The following SCHIP1 variants were observed in gnomAD, a reference collection of about 807,000 sequenced individuals.
SCHIP1 encodes the protein schwannomin-interacting protein 1.
Under a neutral mutation model 29.7 loss-of-function variants are expected in SCHIP1, and 8 were observed. The ratio of observed to expected loss-of-function variants is 0.27; its 90% CI spans 0.16 to 0.49. The LOEUF (loss-of-function observed/expected upper bound fraction) is 0.49, where lower values mean the gene tolerates loss of function less well. SCHIP1 is among the 20% of genes least tolerant of loss of function. The pLI, the probability that SCHIP1 is intolerant of heterozygous loss-of-function variation, is 0.99. For missense variants in SCHIP1, 193 were observed against 294.6 expected, an observed-to-expected ratio of 0.66 and a Z score of 2.52; for synonymous variants, 76 against 94.9, an observed-to-expected ratio of 0.80 and a Z score of 1.16.
chr3:159,458,528 A>G, the SCHIP1 span, among the ~76,000 whole-genome samples: 3 of 151,568 alleles, frequency 2.0e-5, no homozygotes, highest in East Asian at 5.8e-4. Flanking sequence ...AAAGTTACAC[A>G]GTTAGTTCAG....
At chr3:159,576,791 G>A in the SCHIP1 span, among the ~76,000 whole-genome samples, 1 of 152,056 alleles carries the variant, frequency 6.6e-6, no homozygotes, top group Non-Finnish European at 1.5e-5. Flanking sequence ...CCTTCTGCAT[G>A]CATCTGTTGA....
chr3:159,339,373 C>T, the SCHIP1 span, among the ~76,000 whole-genome samples: 1 of 152,064 alleles, frequency 6.6e-6, no homozygotes, highest in Non-Finnish European at 1.5e-5. Context: ...TTCACATCAG[C>T]AAGCACTGCT....
the SCHIP1 span, among the ~76,000 whole-genome samples, chr3:159,563,929 T>G: frequency 6.6e-6 from 1 of 152,230 alleles, no homozygotes; most frequent in Non-Finnish European, 1.5e-5. Context: ...CTTCTCTTTA[T>G]GTATCTTCAA....
chr3:159,525,662 G>C, the SCHIP1 span, among the ~76,000 whole-genome samples: 35 of 152,274 alleles, frequency 2.3e-4, 1 homozygote, highest in Middle Eastern at 0.01. Flanking sequence ...GGAGAGAAAG[G>C]CTGCATCATT....
the SCHIP1 span, among the ~76,000 whole-genome samples, chr3:159,697,859 G>A: frequency 6.6e-6 from 1 of 152,210 alleles, no homozygotes; most frequent in Non-Finnish European, 1.5e-5. Context: ...TACCAAAGCA[G>A]ATTGCAAGTG....
the SCHIP1 span, among the ~76,000 whole-genome samples, chr3:159,556,847 G>T: frequency 1.3e-5 from 2 of 150,518 alleles, no homozygotes; most frequent in African/African-American, 4.9e-5. Flanking sequence ...CAGCACACCA[G>T]CATGGCACAT....
intron 4 of SCHIP1, chr3:159,888,199 A>G (rs2109456341): frequency 2.4e-6 from 1 of 414,746 alleles, no homozygotes; most frequent in Non-Finnish European, 4.4e-6. Flanking sequence ...AGCGATCTCA[A>G]TCTAAGAACC....
the SCHIP1 span, among the ~76,000 whole-genome samples, chr3:159,610,548 C>T: frequency 2.8e-4 from 43 of 152,236 alleles, no homozygotes; most frequent in Admixed American, 1.2e-3. Context: ...CAAAGACTTC[C>T]TACCTCCCTC....
At chr3:159,617,858 T>A in the SCHIP1 span, among the ~76,000 whole-genome samples, 1 of 152,272 alleles carries the variant, frequency 6.6e-6, no homozygotes, top group South Asian at 2.1e-4. Flanking sequence ...TCAATGAACA[T>A]TTAGCGGGCA....
chr3:159,350,511 AGAT>A, the SCHIP1 span, among the ~76,000 whole-genome samples: 1 of 152,142 alleles, frequency 6.6e-6, no homozygotes, highest in Non-Finnish European at 1.5e-5. Context: ...TTTTAATTAG[AGAT>A]GATGATGATA....
chr3:159,714,672 T>C, the SCHIP1 span, among the ~76,000 whole-genome samples: 24 of 152,306 alleles, frequency 1.6e-4, no homozygotes, highest in Admixed American at 1.1e-3. Flanking sequence ...GAGACCAAAC[T>C]GCAAGGCGGC....
the SCHIP1 span, among the ~76,000 whole-genome samples, chr3:159,279,643 T>C: frequency 6.6e-6 from 1 of 151,868 alleles, no homozygotes; most frequent in East Asian, 1.9e-4. Context: ...ATCTGCTTGA[T>C]GTTAATTTTA....
chr3:159,538,861 C>T, the SCHIP1 span, among the ~76,000 whole-genome samples: 18 of 152,230 alleles, frequency 1.2e-4, no homozygotes, highest in Non-Finnish European at 1.5e-4. Flanking sequence ...TTGGATGCTT[C>T]ATATTATATT....
the SCHIP1 span, among the ~76,000 whole-genome samples, chr3:159,309,512 T>TGAAA: frequency 3.2e-4 from 49 of 152,286 alleles, no homozygotes; most frequent in African/African-American, 1.1e-3. Context: ...TTTCATGCTA[T>TGAAA]ATGGGTATGC....
At chr3:159,382,435 A>G in the SCHIP1 span, among the ~76,000 whole-genome samples, 1 of 151,238 alleles carries the variant, frequency 6.6e-6, no homozygotes, top group Non-Finnish European at 1.5e-5. Context: ...AAGGACATGA[A>G]CTCATCATTT....
chr3:159,523,493 A>G, the SCHIP1 span, among the ~76,000 whole-genome samples: 2 of 152,224 alleles, frequency 1.3e-5, no homozygotes. Flanking sequence ...TGTCTTTTAA[A>G]AAGTAAGTAT....
At chr3:159,793,621 C>T in the SCHIP1 span, among the ~76,000 whole-genome samples, 3 of 152,098 alleles carry the variant, frequency 2.0e-5, no homozygotes, top group African/African-American at 7.2e-5. Context: ...GCAGTGGTGT[C>T]ATCTCGTCTC....
the SCHIP1 span, among the ~76,000 whole-genome samples, chr3:159,300,730 C>T: frequency 6.6e-6 from 1 of 152,142 alleles, no homozygotes; most frequent in Non-Finnish European, 1.5e-5. Flanking sequence ...TCTGATAATG[C>T]CCTATGGTTC....
At chr3:159,767,230 C>T in the SCHIP1 span, among the ~76,000 whole-genome samples, 1 of 152,074 alleles carries the variant, frequency 6.6e-6, no homozygotes, top group Non-Finnish European at 1.5e-5. Flanking sequence ...CATGAAATCA[C>T]CTTAGCATTT....
Sources: allele counts gnomAD v4.1 joint callset (sites outside exome capture counted in the v4.1 genomes callset), GRCh38; gene constraint gnomAD v4.1.1; transcripts MANE v1.5; gene names NCBI Gene and HGNC (gene_info 2026-07-23, HGNC 2026-07-21).